The following NME4 variants were observed in gnomAD, a reference collection of about 807,000 sequenced individuals.
NME4 encodes the protein nucleoside diphosphate kinase D, mitochondrial.
A neutral mutation model predicts 16.4 loss-of-function variants in NME4; 21 were observed. The observed-to-expected ratio is 1.28, with a 90% confidence interval of 0.91 to 1.84. The LOEUF (loss-of-function observed/expected upper bound fraction) is 1.84. Among genes scored for constraint, NME4 ranks in the 40% most tolerant of loss-of-function variants. The pLI is 0.00. For missense variants in NME4, 316 were observed against 261.3 expected (o/e 1.21, Z -1.44); for synonymous variants, 132 against 107.5 (o/e 1.23, Z -1.41).
In NME4 at chr16:400,588, TC is replaced by T; in HGVS notation, c.*247del. On this transcript the variant is annotated 3_prime_UTR_variant, in exon 5 of 5. Coordinates refer to ENST00000219479, the MANE Select transcript of NME4 (RefSeq NM_005009.3). ...GGACAACCTTTGTGGTGGGGGGGGG[TC>T]TTCACATTATCATAACCTCTCCTCT... 2.1e-6 allele frequency: 1 copy of T among 478,680 alleles called. No homozygotes were observed. Among genetic ancestry groups the T allele is most frequent in the Non-Finnish European group, 3.7e-6 (1 of 271,888 alleles). The allele number at this position is 478,680 out of a possible 1,614,324, so 29.7% of individuals were successfully genotyped here. A position where few individuals can be genotyped will look rare whatever the true frequency, so the allele number is the denominator to read the frequency against.
chr16:397,803 G>A (rs1005420289), intron 1 of NME4: 5 of 1,532,500 alleles, frequency 3.3e-6, no homozygotes, highest in Admixed American at 4.0e-5. Flanking sequence ...TGACTGGGAC[G>A]TCAGGCCCCA....
intron 1 of NME4, among the ~76,000 whole-genome samples, 182 bp downstream of exon 1, chr16:397,495 C>T (rs1338007089): frequency 7.3e-6 from 1 of 137,528 alleles, no homozygotes; most frequent in Non-Finnish European, 1.6e-5. Flanking sequence ...CCTCCAGTGC[C>T]CGTCCGGCTC....
At chr16:398,675 G>A (rs944132500) in intron 1 of NME4, 8 of 460,478 alleles carry the variant, frequency 1.7e-5, no homozygotes, top group Non-Finnish European at 3.1e-5. Flanking sequence ...TGGACCTTGC[G>A]GTGGTGGTCC....
chr16:398,406 C>G, intron 1 of NME4: 1 of 1,220,544 alleles, frequency 8.2e-7, no homozygotes, highest in Non-Finnish European at 1.0e-6. Flanking sequence ...TGTGTTTCTC[C>G]CTGGTTCCCT....
Position 399,642 on chromosome 16 carries a change from AATGTCGTCC to A in NME4, c.344_352del (p.Asn115_Arg118delinsSer). The A allele has an allele frequency of 6.2e-7, 1 of 1,613,168 alleles. No homozygotes were observed. The highest frequency in any genetic ancestry group is 8.5e-7 in the Non-Finnish European group (1 of 1,179,922). Reference sequence around the variant, plus strand: ...CTCGCTGCAGGTCTGGGAAGGGTACAATGTCGTCCGCGCCTCGAGGGCCATGATTGGACA... The same window carrying A: ...CTCGCTGCAGGTCTGGGAAGGGTACAGCGCCTCGAGGGCCATGATTGGACA... On this transcript the variant is annotated inframe_deletion, in exon 4 of 5. Transcript: ENST00000219479.
Position 399,209 on chromosome 16 carries a change from G to T in NME4, c.225+86G>T, listed in dbSNP as rs2054607810. On this transcript the variant is annotated intron_variant, in intron 2 of 4. Coordinates refer to ENST00000219479, the MANE Select transcript of NME4 (RefSeq NM_005009.3). ...GCCTTTCACATCCCAGCCAGCGCCG[G>T]GGCAGGGCCTGGCTTTGGCAGTTGA... is the stretch of plus-strand genomic sequence containing the variant. The T allele has an allele frequency of 3.8e-6, 6 of 1,563,254 alleles. No homozygotes were observed. In the Admixed American group the frequency reaches 8.4e-5, roughly 22 times the overall value.
At position 397,290 on chromosome 16, in the gene NME4, G is replaced by A. The variant is rs1434225674; in HGVS notation, c.68G>A (p.Ser23Asn). Residue 23 changes from serine to asparagine, a missense_variant, in exon 1 of 5, where the codon AGC becomes AAC. Physicochemically the swap from Ser to Asn is conservative, Grantham distance 46. Transcript: ENST00000219479. ...TGCGGCCCGCGGGCCCCGGGCCCGA[G>A]CCTGCTAGTGCGCCACGGCTCGGGT... ...LRCGPRAPGPSLLVRHGSGGP... is the reference protein window; with the variant it reads ...LRCGPRAPGPNLLVRHGSGGP... 1.9e-6 allele frequency: 2 copies of A among 1,057,574 alleles called. No individual in the cohort carries two copies. The highest frequency in any genetic ancestry group is 6.7e-5 in the East Asian group (1 of 14,922). 65.5% of individuals were successfully genotyped at this position (1,057,574 alleles called of 1,614,324 possible).
chr16:398,182 G>A (rs1420991710), intron 1 of NME4: 1 of 1,505,946 alleles, frequency 6.6e-7, no homozygotes, highest in Non-Finnish European at 8.9e-7. Context: ...ATAGGAAGGT[G>A]AGGACGTCTT....
intron 2 of NME4, 92 bp from the exon 3 acceptor site, chr16:399,287 T>C (rs1403524346): frequency 3.5e-6 from 5 of 1,426,670 alleles, no homozygotes; most frequent in South Asian, 2.3e-5. Context: ...GCTGGTGTTA[T>C]CTGCAAGGTG....
intron 4 of NME4, 139 bp downstream of exon 4, chr16:399,878 G>A: frequency 2.8e-6 from 2 of 712,830 alleles, no homozygotes; most frequent in South Asian, 3.3e-5. Context: ...ACACTGGTGA[G>A]AGCCGTGTTC....
chr16:398,486 C>T (rs2054594603), intron 1 of NME4: 2 of 988,406 alleles, frequency 2.0e-6, no homozygotes, highest in Non-Finnish European at 2.6e-6. Context: ...GGGCTTCAGA[C>T]CATGTCTGTC....
chr16:400,390 C>G lies in NME4; in HGVS notation c.*48C>G. 1 of 1,571,312 alleles carries G rather than the reference C, an allele frequency of 6.4e-7. No individual in the cohort carries two copies. Among genetic ancestry groups the G allele is most frequent in the Non-Finnish European group, 8.5e-7 (1 of 1,170,530 alleles). ...CCATCCCCCACGCAGGACCAACTAC[C>G]TCCGTCAGCAAGAACCCAAGCCCAC... On this transcript the variant is annotated 3_prime_UTR_variant, in exon 5 of 5. Transcript: ENST00000219479.
intron 2 of NME4, 103 bp from the exon 3 acceptor site, chr16:399,276 T>C (rs745617130): frequency 1.4e-6 from 2 of 1,411,266 alleles, no homozygotes; most frequent in South Asian, 1.2e-5. Context: ...GTGCTGCCCA[T>C]GCTGGTGTTA....
intron 4 of NME4, 38 bp downstream of exon 4, chr16:399,777 C>A (rs1345720999): frequency 3.6e-5 from 55 of 1,532,530 alleles, no homozygotes; most frequent in Non-Finnish European, 4.8e-5. Flanking sequence ...CTGCTGGGGG[C>A]AAGGAGGGCC....
intron 1 of NME4, chr16:398,179 G>A (rs2054588862): frequency 6.6e-7 from 1 of 1,507,904 alleles, no homozygotes; most frequent in Non-Finnish European, 8.9e-7. Context: ...ACTATAGGAA[G>A]GTGAGGACGT....
At chr16:398,132 G>T in intron 1 of NME4, 1 of 1,531,622 alleles carries the variant, frequency 6.5e-7, no homozygotes, top group Non-Finnish European at 8.8e-7. Context: ...CCAGGGACCC[G>T]ATGCCGGAGG....
At position 397,271 on chromosome 16, in the gene NME4, C is replaced by T. The variant is rs1319240662; in HGVS notation, c.49C>T (p.Pro17Ser). 4 of 1,053,846 alleles carry T rather than the reference C, an allele frequency of 3.8e-6. No homozygotes were observed. Among genetic ancestry groups the T allele is most frequent in the African/African-American group, 3.5e-5 (2 of 57,738 alleles). 65.3% of individuals were successfully genotyped at this position (1,053,846 alleles called of 1,614,324 possible). The change falls in exon 1 of 5, where the codon CCG becomes TCG. Residue 17 changes from proline to serine, a missense_variant. Transcript: ENST00000219479. The stretch of plus-strand genomic sequence containing the variant: ...CGCGCTGCGGGGGCTGCGCTGCGGC[C>T]CGCGGGCCCCGGGCCCGAGCCTGCT... ...RSALRGLRCG[P>S]RAPGPSLLVR...
chr16:398,581 G>A (rs537531846), intron 1 of NME4: 1 of 431,160 alleles, frequency 2.3e-6, no homozygotes, highest in African/African-American at 2.1e-5. Context: ...GCTGGGCTGT[G>A]CCTCTGTGGA....
chr16:399,473 T>C lies in NME4; in HGVS notation c.320T>C (p.Val107Ala). ...CGCTACATGAGCTCTGGGCCTGTGG[T>C]GGCCATGGTACGGCAGGGCAGGGGT... ...LIRYMSSGPVVAMVWEGYNVV... is the reference protein window; with the variant it reads ...LIRYMSSGPVAAMVWEGYNVV... The change falls in exon 3 of 5, where the codon GTG becomes GCG. Residue 107 changes from valine (V) to alanine (A), a missense_variant. By Grantham distance (64) the Val-to-Ala change is moderately conservative (BLOSUM62 0). Coordinates refer to ENST00000219479, the MANE Select transcript of NME4 (RefSeq NM_005009.3). 6.2e-7 allele frequency: 1 copy of C among 1,612,596 alleles called. No individual in the cohort carries two copies. Among genetic ancestry groups the C allele is most frequent in the Admixed American group, 1.7e-5 (1 of 59,998 alleles).
Sources: gnomAD v4.1 joint callset for allele counts (sites outside exome capture counted in the v4.1 genomes callset) on GRCh38, gnomAD v4.1.1 for gene constraint, MANE v1.5 for transcripts, NCBI Gene and HGNC (gene_info 2026-07-23, HGNC 2026-07-21) for gene names.